KCNQ1OT1: variants seen among roughly 807,000 people sequenced by gnomAD.
KCNQ1OT1 encodes the protein KCNQ1 opposite strand/antisense transcript 1.
Position 2,613,956 on chromosome 11 carries a change from TCTC to T in KCNQ1OT1, n.86036_86038del, listed in dbSNP as rs1849020221. 5.0e-6 allele frequency: 2 copies of T among 398,570 alleles called. No individual in the cohort carries two copies. The highest frequency in any genetic ancestry group is 4.4e-6 in the Non-Finnish European group (1 of 226,052). 24.7% of individuals were successfully genotyped at this position (398,570 alleles called of 1,614,324 possible). ...ACTTTGCTTTTCTCACCTAACAACA[TCTC>T]CTAGAAATCACTCAACATCCATTCA... On this transcript the variant is annotated non_coding_transcript_exon_variant, in exon 1 of 1. Coordinates refer to ENST00000597346, the Ensembl canonical transcript of KCNQ1OT1. This position sits in a 1 kb window ranked among gnomAD's most constrained non-coding sequence, Gnocchi z 4.8.
At chr11:2,616,031 T>C (rs1849058075) in exon 1 of KCNQ1OT1, 5 of 398,200 alleles carry the variant, frequency 1.3e-5, no homozygotes, top group East Asian at 3.6e-5. Flanking sequence ...ATTCAAACTT[T>C]CTACTTGTTA....
Position 2,653,114 on chromosome 11 carries a change from G to A in KCNQ1OT1, n.46881C>T, listed in dbSNP as rs1256482451. The A allele has an allele frequency of 1.5e-5, 6 of 398,576 alleles. No individual in the cohort carries two copies. Among genetic ancestry groups the A allele is most frequent in the Non-Finnish European group, 2.7e-5 (6 of 226,114 alleles). The allele number at this position is 398,576 out of a possible 1,614,324, so 24.7% of individuals were successfully genotyped here. A position where few individuals can be genotyped will look rare whatever the true frequency, so the allele number is the denominator to read the frequency against. ...TGGAGAGAGGCTCACTGAAGGTTTG[G>A]GGAGATGAGGACTTGCATCACAGCA... On this transcript the variant is annotated non_coding_transcript_exon_variant, in exon 1 of 1. Transcript: ENST00000597346. This position sits in a 1 kb window ranked among gnomAD's most constrained non-coding sequence, Gnocchi z 5.3.
At position 2,679,391 on chromosome 11, in the gene KCNQ1OT1, T is replaced by C. The variant is rs1451471465; in HGVS notation, n.20604A>G. On this transcript the variant is annotated non_coding_transcript_exon_variant, in exon 1 of 1. Transcript: ENST00000597346. The surrounding 1 kb of genome is among the most constrained non-coding windows in gnomAD (Gnocchi z 4.8). The stretch of plus-strand genomic sequence containing the variant: ...AGTCACTTAGTCTCAGTTTCTTTAT[T>C]TGTAAAATGGGAATCATAAGAGTAC... 2 of 398,542 alleles carry C rather than the reference T, an allele frequency of 5.0e-6. No homozygotes were observed. The highest frequency in any genetic ancestry group is 4.1e-5 in the African/African-American group (2 of 48,648). 24.7% of individuals were successfully genotyped at this position (398,542 alleles called of 1,614,324 possible). A position where few individuals can be genotyped will look rare whatever the true frequency, so the allele number is the denominator to read the frequency against.
chr11:2,632,984 A>G (rs1482383099), exon 1 of KCNQ1OT1: 2 of 398,504 alleles, frequency 5.0e-6, no homozygotes, highest in East Asian at 3.6e-5. Flanking sequence ...TTTTTTTGAC[A>G]AAACACCACA....
chr11:2,676,885 G>A lies in KCNQ1OT1; in HGVS notation n.23110C>T. The A allele has an allele frequency of 2.5e-6, 1 of 398,612 alleles. No homozygotes were observed. The allele number at this position is 398,612 out of a possible 1,614,324, so 24.7% of individuals were successfully genotyped here. On this transcript the variant is annotated non_coding_transcript_exon_variant, in exon 1 of 1. Transcript: ENST00000597346. This position sits in a 1 kb window ranked among gnomAD's most constrained non-coding sequence, Gnocchi z 4.2. ...GGGGAGCCCTTTCATTTCTTAGTAA[G>A]TGTTCAGCCCCAGTGTGCACCACTT...
chr11:2,690,449 A>C lies in KCNQ1OT1; in HGVS notation n.9546T>G. 1 of 398,632 alleles carries C rather than the reference A, an allele frequency of 2.5e-6. No homozygotes were observed. The highest frequency in any genetic ancestry group is 1.3e-4 in the South Asian group (1 of 7,860). The allele number at this position is 398,632 out of a possible 1,614,324, so 24.7% of individuals were successfully genotyped here. A position where few individuals can be genotyped will look rare whatever the true frequency, so the allele number is the denominator to read the frequency against. On this transcript the variant is annotated non_coding_transcript_exon_variant, in exon 1 of 1. Coordinates refer to ENST00000597346, the Ensembl canonical transcript of KCNQ1OT1. The surrounding 1 kb of genome is among the most constrained non-coding windows in gnomAD (Gnocchi z 5.1). The stretch of plus-strand genomic sequence containing the variant: ...TCCTGGGAGCTAGAGCTGGGTTAAG[A>C]TAAGAGCAGAGACTGGGTCCTGGGA...
In KCNQ1OT1 at chr11:2,687,706, G is replaced by A. The variant is rs1205474028; in HGVS notation, n.12289C>T. 3 of 398,616 alleles carry A rather than the reference G, an allele frequency of 7.5e-6. No individual in the cohort carries two copies. The highest frequency in any genetic ancestry group is 1.2e-3 in the Middle Eastern group (2 of 1,614). 24.7% of individuals were successfully genotyped at this position (398,616 alleles called of 1,614,324 possible). A position where few individuals can be genotyped will look rare whatever the true frequency, so the allele number is the denominator to read the frequency against. Reference sequence around the variant, plus strand: ...CAGGGTTCAGTGTTGGAATGGGTCTGGGCCCAGATTTCAAGCCAGTAACCA... The same window carrying A: ...CAGGGTTCAGTGTTGGAATGGGTCTAGGCCCAGATTTCAAGCCAGTAACCA... On this transcript the variant is annotated non_coding_transcript_exon_variant, in exon 1 of 1. Transcript: ENST00000597346. The surrounding 1 kb of genome is among the most constrained non-coding windows in gnomAD (Gnocchi z 5.0).
exon 1 of KCNQ1OT1, chr11:2,649,614 T>A (rs1485015546): frequency 2.5e-6 from 1 of 398,496 alleles, no homozygotes; most frequent in East Asian, 3.6e-5. Context: ...CTTGCAGCAC[T>A]TTTAATATGG....
At position 2,613,170 on chromosome 11, in the gene KCNQ1OT1, A is replaced by G. The variant is rs1217995619; in HGVS notation, n.86825T>C. On this transcript the variant is annotated non_coding_transcript_exon_variant, in exon 1 of 1. Coordinates refer to ENST00000597346, the Ensembl canonical transcript of KCNQ1OT1. This position sits in a 1 kb window ranked among gnomAD's most constrained non-coding sequence, Gnocchi z 4.8. ...ATCTATGTGTGGGTTGGGACATTCAAAGTTCAGGCACTTTATAACTCTGTC... is the reference window on the plus strand; with the variant it reads ...ATCTATGTGTGGGTTGGGACATTCAGAGTTCAGGCACTTTATAACTCTGTC... The G allele has an allele frequency of 2.5e-6, 1 of 398,396 alleles. No homozygotes were observed. Among genetic ancestry groups the G allele is most frequent in the African/African-American group, 2.1e-5 (1 of 48,586 alleles). 24.7% of individuals were successfully genotyped at this position (398,396 alleles called of 1,614,324 possible).
rs1006176580 is a variant in KCNQ1OT1, at chr11:2,695,137, T to C, written n.4858A>G. ...AGAGTCATGGAGGCACATTCATTCG[T>C]TGGTTCTTGGCTTTTGGGACTCTGC... On this transcript the variant is annotated non_coding_transcript_exon_variant, in exon 1 of 1. Transcript: ENST00000597346. This position sits in a 1 kb window ranked among gnomAD's most constrained non-coding sequence, Gnocchi z 5.2. 1.8e-5 allele frequency: 7 copies of C among 398,566 alleles called. No individual in the cohort carries two copies. Among genetic ancestry groups the C allele is most frequent in the African/African-American group, 1.4e-4 (7 of 48,636 alleles). 24.7% of individuals were successfully genotyped at this position (398,566 alleles called of 1,614,324 possible). A position where few individuals can be genotyped will look rare whatever the true frequency, so the allele number is the denominator to read the frequency against.
chr11:2,658,576 G>A lies in KCNQ1OT1; in HGVS notation n.41419C>T. On this transcript the variant is annotated non_coding_transcript_exon_variant, in exon 1 of 1. Coordinates refer to ENST00000597346, the Ensembl canonical transcript of KCNQ1OT1. This position sits in a 1 kb window ranked among gnomAD's most constrained non-coding sequence, Gnocchi z 4.9. ...CCCTAGAATCATCCATTCATCCAGA[G>A]AGCCCTGGCTCCCTGGAGAATGAAT... 1 of 339,182 alleles carries A rather than the reference G, an allele frequency of 2.9e-6. No individual in the cohort carries two copies. Among genetic ancestry groups the A allele is most frequent in the African/African-American group, 2.6e-5 (1 of 37,868 alleles). The allele number at this position is 339,182 out of a possible 1,614,324, so 21.0% of individuals were successfully genotyped here.
At position 2,678,648 on chromosome 11, in the gene KCNQ1OT1, T is replaced by C; in HGVS notation, n.21347A>G. 1 of 395,246 alleles carries C rather than the reference T, an allele frequency of 2.5e-6. No individual in the cohort carries two copies. The highest frequency in any genetic ancestry group is 4.4e-6 in the Non-Finnish European group (1 of 225,492). 24.5% of individuals were successfully genotyped at this position (395,246 alleles called of 1,614,324 possible). A position where few individuals can be genotyped will look rare whatever the true frequency, so the allele number is the denominator to read the frequency against. On this transcript the variant is annotated non_coding_transcript_exon_variant, in exon 1 of 1. Coordinates refer to ENST00000597346, the Ensembl canonical transcript of KCNQ1OT1. The surrounding 1 kb of genome is among the most constrained non-coding windows in gnomAD (Gnocchi z 4.9). The stretch of plus-strand genomic sequence containing the variant: ...AGAGCCAATAATGGGAAGCTCATTT[T>C]CACAAATGCAGTCAACCAGGGGAAT...
exon 1 of KCNQ1OT1, chr11:2,667,582 GGGGCGGGGTT>G: frequency 2.5e-6 from 1 of 398,100 alleles, no homozygotes; most frequent in Non-Finnish European, 4.4e-6. Context: ...GCAGGGGGTC[GGGGCGGGGTT>G]GGGCGGGGGG....
At position 2,627,507 on chromosome 11, in the gene KCNQ1OT1, G is replaced by T. The variant is rs76008873; in HGVS notation, n.72488C>A. The T allele has an allele frequency of 6.2e-3, 2,468 of 398,458 alleles. 53 individuals are homozygous for T. Among genetic ancestry groups the T allele is most frequent in the African/African-American group, 0.045 (2,197 of 48,690 alleles). 24.7% of individuals were successfully genotyped at this position (398,458 alleles called of 1,614,324 possible). A position where few individuals can be genotyped will look rare whatever the true frequency, so the allele number is the denominator to read the frequency against. On this transcript the variant is annotated non_coding_transcript_exon_variant, in exon 1 of 1. Coordinates refer to ENST00000597346, the Ensembl canonical transcript of KCNQ1OT1. The surrounding 1 kb of genome is among the most constrained non-coding windows in gnomAD (Gnocchi z 4.9). ...ACCCTTCTACTCTCCGTTTCTCTGA[G>T]TTCAAGCTTTTTAGAATTCCATATG...
chr11:2,652,463 C>G lies in KCNQ1OT1; in HGVS notation n.47532G>C, dbSNP rs1052544287. ...TTTTTTGTTTTCTCCATCCAAAGAC[C>G]TCCAGAAACTTTCCTCCCCACCTCT... On this transcript the variant is annotated non_coding_transcript_exon_variant, in exon 1 of 1. Transcript: ENST00000597346. This position sits in a 1 kb window ranked among gnomAD's most constrained non-coding sequence, Gnocchi z 5.9. The G allele has an allele frequency of 5.0e-6, 2 of 398,494 alleles. No individual in the cohort carries two copies. Among genetic ancestry groups the G allele is most frequent in the African/African-American group, 4.1e-5 (2 of 48,606 alleles). The allele number at this position is 398,494 out of a possible 1,614,324, so 24.7% of individuals were successfully genotyped here.
rs1848982987 is a variant in KCNQ1OT1 at position 2,611,793 on chromosome 11, C to A, written n.88202G>T. The A allele has an allele frequency of 2.5e-6, 1 of 398,392 alleles. No individual in the cohort carries two copies. Among genetic ancestry groups the A allele is most frequent in the Admixed American group, 4.4e-5 (1 of 22,716 alleles). The allele number at this position is 398,392 out of a possible 1,614,324, so 24.7% of individuals were successfully genotyped here. Reference sequence around the variant, plus strand: ...CTCATATCACTTTTGTTCCTCTCTTCCTCCTTTACTGCCTTCTGCAGGTTG... The same window carrying A: ...CTCATATCACTTTTGTTCCTCTCTTACTCCTTTACTGCCTTCTGCAGGTTG... On this transcript the variant is annotated non_coding_transcript_exon_variant, in exon 1 of 1. Coordinates refer to ENST00000597346, the Ensembl canonical transcript of KCNQ1OT1. The surrounding 1 kb of genome is among the most constrained non-coding windows in gnomAD (Gnocchi z 5.3).
Position 2,612,569 on chromosome 11 carries a change from A to G in KCNQ1OT1, n.87426T>C, listed in dbSNP as rs1848998841. The G allele has an allele frequency of 2.5e-6, 1 of 398,466 alleles. No individual in the cohort carries two copies. The highest frequency in any genetic ancestry group is 4.4e-6 in the Non-Finnish European group (1 of 226,060). 24.7% of individuals were successfully genotyped at this position (398,466 alleles called of 1,614,324 possible). On this transcript the variant is annotated non_coding_transcript_exon_variant, in exon 1 of 1. Coordinates refer to ENST00000597346, the Ensembl canonical transcript of KCNQ1OT1. This position sits in a 1 kb window ranked among gnomAD's most constrained non-coding sequence, Gnocchi z 5.5. ...TTCACCTAAGTTATTATATTTCACA[A>G]CTACAGAATTTCTATTTGGTTTCTA...
At chr11:2,662,685 G>T (rs1344729747) in exon 1 of KCNQ1OT1, 1 of 403,384 alleles carries the variant, frequency 2.5e-6, no homozygotes, top group Non-Finnish European at 4.4e-6. Flanking sequence ...GGGGTGCCCA[G>T]CGGTGACAGC....
chr11:2,611,984 A>T lies in KCNQ1OT1; in HGVS notation n.88011T>A. On this transcript the variant is annotated non_coding_transcript_exon_variant, in exon 1 of 1. Coordinates refer to ENST00000597346, the Ensembl canonical transcript of KCNQ1OT1. The surrounding 1 kb of genome is among the most constrained non-coding windows in gnomAD (Gnocchi z 5.3). ...TCTGCCCTATTCTCTCCTTCTCAGT[A>T]CTCTTATTAACACATATGTTGTTAC... The T allele has an allele frequency of 2.5e-6, 1 of 398,360 alleles. No homozygotes were observed. The highest frequency in any genetic ancestry group is 4.4e-6 in the Non-Finnish European group (1 of 225,998). The allele number at this position is 398,360 out of a possible 1,614,324, so 24.7% of individuals were successfully genotyped here. A position where few individuals can be genotyped will look rare whatever the true frequency, so the allele number is the denominator to read the frequency against.
Sources: allele counts gnomAD v4.1 joint callset, GRCh38; gene constraint gnomAD v4.1.1; non-coding constraint Gnocchi (gnomAD v3.1); transcripts MANE v1.5; gene names NCBI Gene and HGNC (gene_info 2026-07-23, HGNC 2026-07-21).